The following ATRNL1 variants were observed in gnomAD, a reference collection of about 807,000 sequenced individuals.
ATRNL1 encodes the protein attractin-like protein 1.
In ATRNL1, 95 loss-of-function variants were observed where a neutral mutation model predicts 182.7. The ratio of observed to expected loss-of-function variants is 0.52; its 90% CI spans 0.44 to 0.62. ATRNL1 has a LOEUF of 0.62. ATRNL1 is among the 20% of genes least tolerant of loss of function. The pLI, the probability that ATRNL1 is intolerant of heterozygous loss-of-function variation, is 0.00. For missense variants in ATRNL1, 1,471 were observed against 1,679.5 expected, an observed-to-expected ratio of 0.88 and a Z score of 2.17; for synonymous variants, 576 against 568.3, an observed-to-expected ratio of 1.01 and a Z score of -0.19.
At chr10:115,919,682 G>A (rs1555118192) in intron 28 of ATRNL1, among the ~76,000 whole-genome samples, 1 of 151,568 alleles carries the variant, frequency 6.6e-6, no homozygotes, top group African/African-American at 2.4e-5. Flanking sequence ...TTAGTCCATG[G>A]GCTGTTACAA....
intron 28 of ATRNL1, among the ~76,000 whole-genome samples, chr10:115,930,933 A>G (rs1367381981): frequency 6.6e-6 from 1 of 152,204 alleles, no homozygotes; most frequent in Admixed American, 6.5e-5. Flanking sequence ...TGCTATTTCC[A>G]ACTCCTGAAA....
intron 3 of ATRNL1, among the ~76,000 whole-genome samples, chr10:115,127,063 T>TA (rs1845006213): frequency 1.3e-5 from 2 of 152,202 alleles, no homozygotes; most frequent in African/African-American, 4.8e-5. Flanking sequence ...AAAGTCTATA[T>TA]AGTTTTAAAT....
chr10:115,146,410 A>G (rs1554879371), intron 5 of ATRNL1, among the ~76,000 whole-genome samples: 5 of 152,148 alleles, frequency 3.3e-5, no homozygotes, highest in Admixed American at 1.3e-4. Context: ...AGAATGTGTA[A>G]TGATGAAGTC....
At chr10:115,436,749 A>G (rs1393625887) in intron 21 of ATRNL1, among the ~76,000 whole-genome samples, 1 of 152,052 alleles carries the variant, frequency 6.6e-6, no homozygotes, top group Non-Finnish European at 1.5e-5. Context: ...AGAGACTGTC[A>G]TTTACTTGCG....
intron 26 of ATRNL1, among the ~76,000 whole-genome samples, chr10:115,696,532 T>C (rs1946565124): frequency 6.6e-6 from 1 of 152,166 alleles, no homozygotes. Flanking sequence ...TGCCCAGTAG[T>C]AGGATTGCTA....
intron 10 of ATRNL1, among the ~76,000 whole-genome samples, chr10:115,250,997 T>G (rs976922855): frequency 6.6e-6 from 1 of 152,194 alleles, no homozygotes; most frequent in African/African-American, 2.4e-5. Flanking sequence ...TTCCCCTCCA[T>G]GTGAATGCAA....
At chr10:115,398,846 A>T (rs1554956238) in intron 20 of ATRNL1, among the ~76,000 whole-genome samples, 1 of 152,082 alleles carries the variant, frequency 6.6e-6, no homozygotes, top group Non-Finnish European at 1.5e-5. Flanking sequence ...TGGGTTTGTT[A>T]TAGATGGCTC....
chr10:115,394,111 A>G (rs1554954955), intron 19 of ATRNL1, among the ~76,000 whole-genome samples: 1 of 152,064 alleles, frequency 6.6e-6, no homozygotes, highest in East Asian at 1.9e-4. Flanking sequence ...TAGTAATAAC[A>G]GTGGAAGTAA....
chr10:115,378,811 C>T (rs1857819886), intron 19 of ATRNL1, among the ~76,000 whole-genome samples: 1 of 152,130 alleles, frequency 6.6e-6, no homozygotes, highest in African/African-American at 2.4e-5. Flanking sequence ...TAATCTATAA[C>T]ATATCTATTA....
chr10:115,188,680 AT>A (rs782801817), intron 8 of ATRNL1, among the ~76,000 whole-genome samples: 18 of 151,994 alleles, frequency 1.2e-4, no homozygotes, highest in East Asian at 3.9e-4. Flanking sequence ...TCAGAAAGGT[AT>A]TTTTTTAATA....
chr10:115,697,619 C>T (rs1555050283), intron 26 of ATRNL1, among the ~76,000 whole-genome samples: 2 of 152,092 alleles, frequency 1.3e-5, no homozygotes, highest in African/African-American at 2.4e-5. Flanking sequence ...AGCCACTGTA[C>T]CTGGCCTATT....
chr10:115,756,960 A>G (rs2134134324), intron 27 of ATRNL1, among the ~76,000 whole-genome samples: 2 of 152,182 alleles, frequency 1.3e-5, no homozygotes, highest in African/African-American at 2.4e-5. Flanking sequence ...CATCTGTTTT[A>G]TTAGAGACTA....
intron 15 of ATRNL1, among the ~76,000 whole-genome samples, chr10:115,298,450 G>A (rs1853313096): frequency 6.6e-6 from 1 of 152,054 alleles, no homozygotes; most frequent in Non-Finnish European, 1.5e-5. Flanking sequence ...TTATCACGAT[G>A]AGTTAGGGAG....
At chr10:115,817,136 T>C (rs985778844) in intron 27 of ATRNL1, among the ~76,000 whole-genome samples, 1 of 151,964 alleles carries the variant, frequency 6.6e-6, no homozygotes, top group African/African-American at 2.4e-5. Flanking sequence ...AATTTGGCCC[T>C]AGAGCCAGTG....
chr10:115,532,191 T>A (rs1851635545), intron 25 of ATRNL1, among the ~76,000 whole-genome samples: 3 of 152,194 alleles, frequency 2.0e-5, no homozygotes, highest in South Asian at 4.1e-4. Flanking sequence ...TTGATGGGGA[T>A]GTCATTGAAT....
chr10:115,668,416 A>G (rs1555040372), intron 26 of ATRNL1, among the ~76,000 whole-genome samples: 1 of 152,164 alleles, frequency 6.6e-6, no homozygotes, highest in African/African-American at 2.4e-5. Context: ...TTTTTGTAGC[A>G]ATCATAAAGC....
At chr10:115,365,326 C>A (rs1308067841) in intron 19 of ATRNL1, among the ~76,000 whole-genome samples, 3 of 151,300 alleles carry the variant, frequency 2.0e-5, no homozygotes, top group Admixed American at 1.3e-4. Flanking sequence ...TTGTAGTATT[C>A]TCTGATGGTA....
intron 28 of ATRNL1, among the ~76,000 whole-genome samples, chr10:115,853,165 G>T (rs1589606084): frequency 6.6e-6 from 1 of 152,252 alleles, no homozygotes; most frequent in African/African-American, 2.4e-5. Flanking sequence ...GGGGTGGGGA[G>T]AGCAAATAAC....
intron 24 of ATRNL1, among the ~76,000 whole-genome samples, chr10:115,505,144 G>A (rs7913311): frequency 0.44 from 66,085 of 151,816 alleles, 15,247 homozygotes; most frequent in African/African-American, 0.5. Context: ...ATAGAAATCT[G>A]TCATAGAATT....
Sources: allele counts gnomAD v4.1 joint callset (sites outside exome capture counted in the v4.1 genomes callset), GRCh38; gene constraint gnomAD v4.1.1; transcripts MANE v1.5; gene names NCBI Gene and HGNC (gene_info 2026-07-23, HGNC 2026-07-21).